The following STRBP variants were observed in gnomAD, a reference collection of about 807,000 sequenced individuals.
The protein encoded by STRBP is spermatid perinuclear RNA binding protein.
In STRBP, 13 loss-of-function variants were observed where a neutral mutation model predicts 80.1. That is an observed-to-expected ratio of 0.16 (90% CI 0.11 to 0.26). The LOEUF (loss-of-function observed/expected upper bound fraction) is 0.26, where lower values mean the gene tolerates loss of function less well. Among genes scored for constraint, STRBP ranks in the 10% least tolerant of loss-of-function variants. STRBP has a pLI of 1.00. For synonymous variants in STRBP, 284 were observed against 291.2 expected, an observed-to-expected ratio of 0.98 and a Z score of 0.25; for missense variants, 485 against 815.2, an observed-to-expected ratio of 0.59 and a Z score of 4.93.
At chr9:123,111,779 G>A (rs769244518) in intron 3 of STRBP, 3 of 354,598 alleles carry the variant, frequency 8.5e-6, no homozygotes, top group Non-Finnish European at 1.7e-5. Context: ...GACAATGCAA[G>A]AAGTGTTCCT....
At chr9:123,233,956 T>C (rs1026164378) in intron 2 of STRBP, among the ~76,000 whole-genome samples, 2 of 152,142 alleles carry the variant, frequency 1.3e-5, no homozygotes, top group South Asian at 2.1e-4. Flanking sequence ...ATACCAGCAC[T>C]TTGGGAGGCC....
At chr9:123,147,303 T>C (rs894782276) in intron 12 of STRBP, among the ~76,000 whole-genome samples, 1 of 152,144 alleles carries the variant, frequency 6.6e-6, no homozygotes, top group African/African-American at 2.4e-5. Flanking sequence ...GCAAAAAAGC[T>C]TGGAAACAAA....
At chr9:123,165,195 C>T (rs1384514457) in intron 6 of STRBP, among the ~76,000 whole-genome samples, 2 of 150,850 alleles carry the variant, frequency 1.3e-5, no homozygotes, top group East Asian at 2.0e-4. Context: ...GCAGGAGAAT[C>T]GCTTGAACCC....
chr9:123,123,965 T>C lies in STRBP; in HGVS notation c.*1632A>G. On this transcript the variant is annotated 3_prime_UTR_variant, in exon 19 of 19. Transcript: ENST00000348403. ...GGATGAGAATGATAAGTTACAGCTA[T>C]TTCCAGCAAGTGATGAGGTTTTATT... 1 of 985,408 alleles carries C rather than the reference T, an allele frequency of 1.0e-6. No individual in the cohort carries two copies. The highest frequency in any genetic ancestry group is 4.7e-5 in the South Asian group (1 of 21,288). The allele number at this position is 985,408 out of a possible 1,614,324, so 61.0% of individuals were successfully genotyped here.
chr9:123,114,142 C>A (rs1014724562), intron 3 of STRBP: 1 of 167,064 alleles, frequency 6.0e-6, no homozygotes, highest in East Asian at 1.9e-4. Flanking sequence ...TGACAGGATC[C>A]GTGTCCACAG....
At position 123,122,616 on chromosome 9, in the gene STRBP, G is replaced by C; in HGVS notation, c.*2981C>G. The C allele has an allele frequency of 9.4e-7, 1 of 1,063,772 alleles. No individual in the cohort carries two copies. The highest frequency in any genetic ancestry group is 1.1e-6 in the Non-Finnish European group (1 of 878,180). The allele number at this position is 1,063,772 out of a possible 1,614,324, so 65.9% of individuals were successfully genotyped here. A position where few individuals can be genotyped will look rare whatever the true frequency, so the allele number is the denominator to read the frequency against. On this transcript the variant is annotated 3_prime_UTR_variant, in exon 19 of 19. Transcript: ENST00000348403. ...CATGAGGTATGTTGGAAATCTACTG[G>C]ACCAATTACCTTGCACAAGAGATGG...
At chr9:123,263,625 A>C (rs1315825171) in intron 1 of STRBP, among the ~76,000 whole-genome samples, 1 of 152,096 alleles carries the variant, frequency 6.6e-6, no homozygotes, top group East Asian at 1.9e-4. Flanking sequence ...TAAACCAAAC[A>C]CAACATTAAG....
intron 1 of STRBP, among the ~76,000 whole-genome samples, chr9:123,251,736 A>G (rs2040921873): frequency 6.6e-6 from 1 of 152,252 alleles, no homozygotes; most frequent in South Asian, 2.1e-4. Context: ...AAGAGAAACA[A>G]TGCAAATAAT....
chr9:123,263,930 A>G (rs1370186800), intron 1 of STRBP, among the ~76,000 whole-genome samples: 1 of 152,268 alleles, frequency 6.6e-6, no homozygotes, highest in Non-Finnish European at 1.5e-5. Context: ...CTGTAATCCC[A>G]GCACTTTGGG....
intron 17 of STRBP, among the ~76,000 whole-genome samples, chr9:123,132,180 A>G (rs184352685): frequency 6.6e-6 from 1 of 152,346 alleles, no homozygotes; most frequent in South Asian, 2.1e-4. Context: ...CCTACATTCA[A>G]ATCCTTGCTC....
chr9:123,225,641 G>A (rs2040211322), intron 2 of STRBP, among the ~76,000 whole-genome samples: 1 of 152,178 alleles, frequency 6.6e-6, no homozygotes, highest in Non-Finnish European at 1.5e-5. Flanking sequence ...TCCAGAGACA[G>A]TAATTCTACC....
At chr9:123,114,268 A>G (rs2035610876) in intron 3 of STRBP, 1 of 167,150 alleles carries the variant, frequency 6.0e-6, no homozygotes, top group Admixed American at 6.5e-5. Flanking sequence ...TGGGACAGAC[A>G]CAAAACTGAC....
intron 3 of STRBP, chr9:123,113,109 C>G (rs1447381242): frequency 1.8e-5 from 3 of 167,156 alleles, no homozygotes; most frequent in Non-Finnish European, 4.4e-5. Context: ...CTTCCCCACT[C>G]TAATACCAAA....
At chr9:123,267,977 C>G (rs2041312050) in intron 1 of STRBP, among the ~76,000 whole-genome samples, 1 of 151,640 alleles carries the variant, frequency 6.6e-6, no homozygotes, top group Admixed American at 6.6e-5. Flanking sequence ...CCGGATCCCT[C>G]TGCACCCCTA....
rs1330296034 is a variant in STRBP at position 123,235,023 on chromosome 9, G to A, written c.-165+1807C>T. Among the ~76,000 whole-genome samples the A allele has an allele frequency of 7.3e-5, 11 of 150,090 alleles. No homozygotes were observed. In the South Asian group the frequency reaches 1.3e-3, roughly 17 times the overall value. ...GGGGGGGGGGGTACTGGGTATTCAG[G>A]TTATAAATACAAGTGAACACCGGAA... On this transcript the variant is annotated intron_variant, in intron 2 of 18. Coordinates refer to ENST00000348403, the MANE Select transcript of STRBP (RefSeq NM_018387.5).
Position 123,122,439 on chromosome 9 carries a change from T to TA in STRBP, c.*3157_*3158insT. On this transcript the variant is annotated 3_prime_UTR_variant, in exon 19 of 19. Transcript: ENST00000348403. ...ATGATTTTCAAACATTCACCCAAAA[T>TA]TAAAAAAAAAAAAAAAAAGAAAAGG... 1 of 918,892 alleles carries TA rather than the reference T, an allele frequency of 1.1e-6. No homozygotes were observed. Among genetic ancestry groups the TA allele is most frequent in the Non-Finnish European group, 1.2e-6 (1 of 802,780 alleles). The allele number at this position is 918,892 out of a possible 1,614,324, so 56.9% of individuals were successfully genotyped here. A position where few individuals can be genotyped will look rare whatever the true frequency, so the allele number is the denominator to read the frequency against.
At chr9:123,213,140 C>T (rs571054164) in intron 2 of STRBP, among the ~76,000 whole-genome samples, 3 of 152,204 alleles carry the variant, frequency 2.0e-5, no homozygotes, top group Non-Finnish European at 4.4e-5. Context: ...CATTTACTAA[C>T]AGTCATGGTA....
chr9:123,197,249 G>C (rs1374254396), intron 2 of STRBP, among the ~76,000 whole-genome samples: 7 of 152,080 alleles, frequency 4.6e-5, no homozygotes, highest in Non-Finnish European at 5.9e-5. Flanking sequence ...CGAGAGGGTG[G>C]GGAAGAAGTG....
At chr9:123,221,041 G>T (rs1018638427) in intron 2 of STRBP, among the ~76,000 whole-genome samples, 15 of 151,998 alleles carry the variant, frequency 9.9e-5, no homozygotes, top group Admixed American at 7.2e-4. Flanking sequence ...GTAGTGGAAA[G>T]AATAATTAGA....
Sources: gnomAD v4.1 joint callset for allele counts (sites outside exome capture counted in the v4.1 genomes callset) on GRCh38, gnomAD v4.1.1 for gene constraint, MANE v1.5 for transcripts, NCBI Gene and HGNC (gene_info 2026-07-23, HGNC 2026-07-21) for gene names.